The following PEMT variants were observed in gnomAD, a reference collection of about 807,000 sequenced individuals.
PEMT encodes the protein phosphatidylethanolamine N-methyltransferase, also known as phospholipid methyltransferase.
In PEMT, 23 loss-of-function variants were observed where a neutral mutation model predicts 27.4. The observed-to-expected ratio is 0.84, with a 90% CI of 0.60 to 1.19. The LOEUF (loss-of-function observed/expected upper bound fraction) is 1.19, where lower values mean the gene tolerates loss of function less well. Among genes scored for constraint, PEMT ranks in the 50% most tolerant of loss-of-function variants. The pLI is 0.00. For missense variants in PEMT, 307 were observed against 310.1 expected (o/e 0.99, Z 0.07); for synonymous variants, 137 against 139.1 (o/e 0.98, Z 0.11).
intron 2 of PEMT, among the ~76,000 whole-genome samples, chr17:17,550,491 G>A (rs796537094): frequency 5.3e-5 from 8 of 152,074 alleles, no homozygotes; most frequent in South Asian, 2.1e-4. Context: ...CCCACTCCCC[G>A]CAGCTATCGA....
intron 1 of PEMT, among the ~76,000 whole-genome samples, chr17:17,586,201 A>C (rs139880797): frequency 1.4e-5 from 2 of 139,922 alleles, no homozygotes; most frequent in Admixed American, 7.1e-5. Flanking sequence ...AAGGAAGGAA[A>C]GAAAGAAAGA....
At chr17:17,551,433 C>A (rs1040966644) in intron 2 of PEMT, among the ~76,000 whole-genome samples, 4 of 152,224 alleles carry the variant, frequency 2.6e-5, no homozygotes, top group Non-Finnish European at 4.4e-5. Context: ...CTGACAGGCG[C>A]CTCTGAGGCC....
chr17:17,516,327 C>T (rs1037457851), intron 3 of PEMT, among the ~76,000 whole-genome samples: 2 of 152,064 alleles, frequency 1.3e-5, no homozygotes, highest in East Asian at 1.9e-4. Context: ...ATGCAACCCC[C>T]GAGACCATCA....
At chr17:17,530,238 G>A (rs143269752) in intron 2 of PEMT, among the ~76,000 whole-genome samples, 8 of 152,328 alleles carry the variant, frequency 5.3e-5, no homozygotes, top group Non-Finnish European at 1.0e-4. Context: ...GCTCACACCT[G>A]TAATCCCAGC....
intron 2 of PEMT, among the ~76,000 whole-genome samples, chr17:17,560,505 T>C (rs1418987005): frequency 2.0e-5 from 3 of 152,174 alleles, no homozygotes; most frequent in African/African-American, 4.8e-5. Flanking sequence ...CAAAGCCACA[T>C]AGCTAAGGAG....
intron 5 of PEMT, chr17:17,508,796 GC>G (rs1021936359): frequency 4.3e-6 from 2 of 465,698 alleles, no homozygotes; most frequent in Non-Finnish European, 8.9e-6. Flanking sequence ...TTCCCTCATG[GC>G]ACGGGGCCCC....
intron 2 of PEMT, among the ~76,000 whole-genome samples, chr17:17,539,266 C>T (rs1032240896): frequency 1.3e-5 from 2 of 152,176 alleles, no homozygotes; most frequent in Non-Finnish European, 2.9e-5. Context: ...CAGCTGTAAG[C>T]CACTGTGCCC....
chr17:17,577,889 C>T (rs532135191), intron 1 of PEMT, among the ~76,000 whole-genome samples: 3 of 151,666 alleles, frequency 2.0e-5, no homozygotes, highest in South Asian at 2.1e-4. Context: ...TGGTGGCGGG[C>T]GCCTGTAGTC....
chr17:17,519,220 G>A (rs140647329), intron 3 of PEMT: 7 of 152,420 alleles, frequency 4.6e-5, no homozygotes, highest in African/African-American at 1.4e-4. Context: ...GCAGGATAGG[G>A]TGCAGGCAGG....
At chr17:17,544,298 T>C (rs965360974) in intron 2 of PEMT, among the ~76,000 whole-genome samples, 6 of 147,878 alleles carry the variant, frequency 4.1e-5, no homozygotes, top group African/African-American at 1.5e-4. Context: ...TTTTTTTTTT[T>C]AGACGGAGTT....
chr17:17,544,065 C>A (rs142541489), intron 2 of PEMT, among the ~76,000 whole-genome samples: 1 of 151,782 alleles, frequency 6.6e-6, no homozygotes, highest in African/African-American at 2.4e-5. Context: ...CAGACGTGGT[C>A]GGTGAGGGGG....
chr17:17,569,155 G>A (rs1316964347), intron 2 of PEMT, among the ~76,000 whole-genome samples: 2 of 152,220 alleles, frequency 1.3e-5, no homozygotes, highest in Non-Finnish European at 2.9e-5. Context: ...CGGCCAGAGG[G>A]ACAGGTCAGC....
chr17:17,586,876 G>A (rs147896940), intron 1 of PEMT, among the ~76,000 whole-genome samples: 123 of 152,176 alleles, frequency 8.1e-4, no homozygotes, highest in African/African-American at 2.7e-3. Context: ...GGTGGAGGGC[G>A]CCTGTAATCC....
intron 2 of PEMT, among the ~76,000 whole-genome samples, chr17:17,527,715 A>G (rs1339914120): frequency 6.6e-6 from 1 of 152,242 alleles, no homozygotes; most frequent in East Asian, 1.9e-4. Context: ...CAAGAGGCTA[A>G]GTCCAAGCTA....
At chr17:17,566,579 G>A (rs182621016) in intron 2 of PEMT, among the ~76,000 whole-genome samples, 93 of 152,350 alleles carry the variant, frequency 6.1e-4, no homozygotes, top group Admixed American at 4.9e-3. Flanking sequence ...AGCCATGTCT[G>A]CACAGAGCCA....
chr17:17,585,408 G>C (rs1425929552), intron 1 of PEMT, among the ~76,000 whole-genome samples: 1 of 152,170 alleles, frequency 6.6e-6, no homozygotes, highest in African/African-American at 2.4e-5. Flanking sequence ...CTAAAGGGTG[G>C]AAAAGACAAA....
chr17:17,586,290 A>AAGAAAG lies in PEMT; in HGVS notation c.96+5240_96+5241insCTTTCT, dbSNP rs1178124618. Among the ~76,000 whole-genome samples, 545 of 96,206 alleles carry AAGAAAG rather than the reference A, an allele frequency of 5.7e-3. 9 individuals are homozygous for AAGAAAG. Among genetic ancestry groups the AAGAAAG allele is most frequent in the African/African-American group, 0.026 (383 of 14,804 alleles). 63.1% of individuals were successfully genotyped at this position (96,206 alleles called of 152,430 possible). On this transcript the variant is annotated intron_variant, in intron 1 of 6. Coordinates refer to ENST00000255389, the MANE Select transcript of PEMT (RefSeq NM_148172.3). ...AAAGAAAGAAAGAAAGAAAGAAAGA[A>AAGAAAG]AAAAAAAAACGCAGGTGGAAAATCG...
chr17:17,586,220 G>GAA (rs1321007254), intron 1 of PEMT, among the ~76,000 whole-genome samples: 1 of 33,212 alleles, frequency 3.0e-5, no homozygotes, highest in Non-Finnish European at 6.0e-5. Context: ...GAAAGAAAAA[G>GAA]AAAGAAAGAA....
intron 1 of PEMT, among the ~76,000 whole-genome samples, chr17:17,580,382 C>G (rs1490069788): frequency 6.6e-6 from 1 of 152,024 alleles, no homozygotes. Flanking sequence ...GAGGCTGAGG[C>G]AGAAGAATGG....
Sources: allele counts gnomAD v4.1 joint callset (sites outside exome capture counted in the v4.1 genomes callset), GRCh38; gene constraint gnomAD v4.1.1; transcripts MANE v1.5; gene names NCBI Gene and HGNC (gene_info 2026-07-23, HGNC 2026-07-21).